The following ZNF503 variants were observed in gnomAD, a reference collection of about 807,000 sequenced individuals.
ZNF503 encodes NocA-like zinc finger 2.
Under a neutral mutation model 34.4 loss-of-function variants are expected in ZNF503, and 15 were observed. The observed-to-expected ratio is 0.44, with a 90% CI of 0.29 to 0.67. ZNF503 has a LOEUF of 0.67. Among genes scored for constraint, ZNF503 ranks in the 30% least tolerant of loss-of-function variants. The probability of loss-of-function intolerance (pLI) is 0.13; values close to 1 mark genes in which losing one functional copy is unlikely to be tolerated. For synonymous variants in ZNF503, 580 were observed against 456.8 expected, an observed-to-expected ratio of 1.27 and a Z score of -3.44; for missense variants, 1,007 against 926.8, an observed-to-expected ratio of 1.09 and a Z score of -1.12.
At chr10:75,297,611 A>T in the ZNF503 span, among the ~76,000 whole-genome samples, 1 of 152,216 alleles carries the variant, frequency 6.6e-6, no homozygotes. Context: ...GAAGGCAGAA[A>T]ATCTCACAGA....
chr10:75,380,003 G>A, the ZNF503 span, among the ~76,000 whole-genome samples: 1 of 152,342 alleles, frequency 6.6e-6, no homozygotes, highest in South Asian at 2.1e-4. Flanking sequence ...AGTGGCTGAA[G>A]TGGAAGGAAT....
At chr10:75,324,662 T>A in the ZNF503 span, among the ~76,000 whole-genome samples, 1 of 152,240 alleles carries the variant, frequency 6.6e-6, no homozygotes, top group Non-Finnish European at 1.5e-5. Flanking sequence ...TCTGTATATA[T>A]ATTTGTTTTA....
the ZNF503 span, among the ~76,000 whole-genome samples, chr10:75,301,818 G>A: frequency 5.0e-4 from 76 of 151,532 alleles, no homozygotes; most frequent in Middle Eastern, 3.4e-3. Flanking sequence ...ATATTACATC[G>A]AAATATGTTA....
At chr10:75,290,136 A>G in the ZNF503 span, among the ~76,000 whole-genome samples, 13 of 152,122 alleles carry the variant, frequency 8.5e-5, no homozygotes, top group African/African-American at 3.1e-4. Flanking sequence ...TTAGCATAGT[A>G]TTTTCAACAT....
chr10:75,393,512 G>A (rs144773687), downstream of ZNF503, among the ~76,000 whole-genome samples: 67 of 152,296 alleles, frequency 4.4e-4, no homozygotes, highest in African/African-American at 1.4e-3. Context: ...TGGGTGATGG[G>A]TTTATGGGGG....
the ZNF503 span, among the ~76,000 whole-genome samples, chr10:75,328,246 CTTTAA>C: frequency 7.9e-5 from 12 of 151,940 alleles, no homozygotes; most frequent in African/African-American, 2.4e-4. Context: ...ACATGTAAGT[CTTTAA>C]TTTATTTTAA....
At chr10:75,326,153 G>A in the ZNF503 span, among the ~76,000 whole-genome samples, 1 of 152,188 alleles carries the variant, frequency 6.6e-6, no homozygotes, top group Non-Finnish European at 1.5e-5. Context: ...TTGCCACTAT[G>A]TAGAAATACA....
the ZNF503 span, among the ~76,000 whole-genome samples, chr10:75,318,206 T>G: frequency 6.6e-6 from 1 of 152,124 alleles, no homozygotes; most frequent in Non-Finnish European, 1.5e-5. Context: ...TAATTTTTAT[T>G]TGTCAGTTAT....
the ZNF503 span, among the ~76,000 whole-genome samples, chr10:75,305,384 A>AC: frequency 6.6e-6 from 1 of 152,158 alleles, no homozygotes; most frequent in Non-Finnish European, 1.5e-5. Flanking sequence ...AAGAAGTGTA[A>AC]CATACTGGTA....
rs1443835311 is a variant in ZNF503, at chr10:75,399,119, G to C, written c.1571C>G (p.Pro524Arg). 1 of 1,613,716 alleles carries C rather than the reference G, an allele frequency of 6.2e-7. No individual in the cohort carries two copies. The highest frequency in any genetic ancestry group is 1.1e-5 in the South Asian group (1 of 91,078). Residue 524 changes from proline to arginine, a missense_variant, in exon 2 of 2, where the codon CCG (proline) becomes CGG (arginine). Coordinates refer to ENST00000372524, the MANE Select transcript of ZNF503 (RefSeq NM_032772.6). Reference protein sequence around the residue: ...HICNWVSANGPCDKRFATSEE... With the variant: ...HICNWVSANGRCDKRFATSEE... ...GGACGTGGCGAAGCGCTTGTCGCAC[G>C]GCCCGTTGGCCGACACCCAGTTGCA...
the ZNF503 span, among the ~76,000 whole-genome samples, chr10:75,293,651 G>A: frequency 2.0e-5 from 3 of 151,874 alleles, no homozygotes; most frequent in Non-Finnish European, 2.9e-5. Flanking sequence ...GTGTGCGTGT[G>A]TGTATGTGTG....
the ZNF503 span, among the ~76,000 whole-genome samples, chr10:75,381,931 C>T: frequency 8.1e-5 from 12 of 148,620 alleles, no homozygotes; most frequent in East Asian, 1.6e-3. Flanking sequence ...CTAAGCCTCC[C>T]GAGTAGCTGA....
At chr10:75,383,938 A>G in the ZNF503 span, among the ~76,000 whole-genome samples, 119 of 152,336 alleles carry the variant, frequency 7.8e-4, 1 homozygote, top group African/African-American at 2.7e-3. Context: ...GCCCTGGCAG[A>G]CACTTGTCCT....
chr10:75,322,146 G>C, the ZNF503 span, among the ~76,000 whole-genome samples: 6 of 120,252 alleles, frequency 5.0e-5, no homozygotes, highest in Non-Finnish European at 1.7e-5. Flanking sequence ...TTTTTTTTGA[G>C]ACAGAGTCTT....
At chr10:75,380,424 C>G in the ZNF503 span, among the ~76,000 whole-genome samples, 7 of 152,126 alleles carry the variant, frequency 4.6e-5, no homozygotes, top group African/African-American at 1.4e-4. Flanking sequence ...GACAATGGGG[C>G]CCTGGAGCTC....
At chr10:75,307,027 T>TA in the ZNF503 span, among the ~76,000 whole-genome samples, 2 of 152,140 alleles carry the variant, frequency 1.3e-5, no homozygotes, top group Non-Finnish European at 2.9e-5. Context: ...ATTTCAATAT[T>TA]AGGCCTGAAA....
At chr10:75,329,371 CTTCT>C in the ZNF503 span, among the ~76,000 whole-genome samples, 25 of 139,824 alleles carry the variant, frequency 1.8e-4, no homozygotes, top group African/African-American at 4.3e-4. Flanking sequence ...CATAAAACAG[CTTCT>C]TTCTTTCTTC....
intron 1 of ZNF503, 157 bp downstream of exon 1, chr10:75,400,948 G>T: frequency 1.8e-6 from 2 of 1,100,144 alleles, no homozygotes; most frequent in Non-Finnish European, 1.3e-6. Flanking sequence ...CCCCTTTTCC[G>T]CCCTAGTTTT....
the ZNF503 span, among the ~76,000 whole-genome samples, chr10:75,342,916 C>T: frequency 3.3e-5 from 5 of 152,150 alleles, no homozygotes; most frequent in South Asian, 2.1e-4. Context: ...TAAAGACAAA[C>T]GGTCACTTAA....
Sources: gnomAD v4.1 joint callset for allele counts (sites outside exome capture counted in the v4.1 genomes callset) on GRCh38, gnomAD v4.1.1 for gene constraint, MANE v1.5 for transcripts, NCBI Gene and HGNC (gene_info 2026-07-23, HGNC 2026-07-21) for gene names.